Variants in TPD52 observed in about 807,000 individuals in gnomAD.
TPD52 encodes the protein tumor protein D52.
TPD52 carries 17 observed loss-of-function variants against 31.3 expected under a neutral mutation model. The ratio of observed to expected loss-of-function variants is 0.54; its 90% CI spans 0.37 to 0.82. The LOEUF is 0.82. Ranked by LOEUF, TPD52 falls within the 40% of genes least tolerant of loss-of-function variation. TPD52 has a pLI of 0.00. For synonymous variants in TPD52, 83 were observed against 89.6 expected, an observed-to-expected ratio of 0.93 and a Z score of 0.42; for missense variants, 212 against 240.1, an observed-to-expected ratio of 0.88 and a Z score of 0.77.
chr8:80,124,142 T>C (rs762431321), intron 1 of TPD52, among the ~76,000 whole-genome samples: 1 of 149,692 alleles, frequency 6.7e-6, no homozygotes, highest in Non-Finnish European at 1.5e-5. Context: ...AAAGAAGGGG[T>C]TATCAGCATG....
intron 1 of TPD52, among the ~76,000 whole-genome samples, chr8:80,098,489 A>AGAC (rs1205461871): frequency 9.9e-5 from 15 of 152,240 alleles, no homozygotes; most frequent in African/African-American, 3.4e-4. Context: ...GAGAGGCTTA[A>AGAC]GACTTCAGTG....
At chr8:80,042,337 G>C in intron 7 of TPD52, 1 of 985,398 alleles carries the variant, frequency 1.0e-6, no homozygotes, top group Non-Finnish European at 1.2e-6. Flanking sequence ...AAAGGTACTT[G>C]AAATGAATAA....
rs1810023114 is a variant in TPD52 at position 80,037,952 on chromosome 8, A to G, written c.*164T>C. ...GGGTGTTTCCCAAGAATAGAGGTGA[A>G]GATATTTTCATTTTGTTTAACCCAC... On this transcript the variant is annotated 3_prime_UTR_variant, in exon 8 of 8. Transcript: ENST00000518937. The G allele has an allele frequency of 4.6e-6, 4 of 875,606 alleles. No homozygotes were observed. In the South Asian group the frequency reaches 8.0e-5, roughly 18 times the overall value. 54.2% of individuals were successfully genotyped at this position (875,606 alleles called of 1,614,324 possible).
intron 1 of TPD52, among the ~76,000 whole-genome samples, chr8:80,068,863 A>G (rs1813447993): frequency 1.3e-5 from 2 of 152,230 alleles, no homozygotes; most frequent in Non-Finnish European, 2.9e-5. Flanking sequence ...TGTACAATTA[A>G]TCAGCCAGTC....
At chr8:80,124,774 T>C (rs1003502463) in intron 1 of TPD52, among the ~76,000 whole-genome samples, 2 of 152,160 alleles carry the variant, frequency 1.3e-5, no homozygotes, top group Non-Finnish European at 2.9e-5. Flanking sequence ...GCTTAGCACG[T>C]ATTCTGATCC....
intron 1 of TPD52, among the ~76,000 whole-genome samples, chr8:80,076,215 T>C (rs540418584): frequency 2.0e-5 from 3 of 152,326 alleles, no homozygotes; most frequent in Admixed American, 6.5e-5. Flanking sequence ...CGTAAGTTCA[T>C]TGTAGCACTA....
chr8:80,050,340 A>C (rs1811236692), intron 5 of TPD52, 105 bp downstream of exon 5: 1 of 1,126,292 alleles, frequency 8.9e-7, no homozygotes, highest in Non-Finnish European at 1.2e-6. Flanking sequence ...CAAGAAAATT[A>C]TGTACTGGAC....
chr8:80,096,319 A>ACACACACACACAC (rs1563622982), intron 1 of TPD52, among the ~76,000 whole-genome samples: 119 of 139,344 alleles, frequency 8.5e-4, no homozygotes, highest in African/African-American at 3.0e-3. Flanking sequence ...CACACACACA[A>ACACACACACACAC]ACTTCTCCTA....
intron 1 of TPD52, among the ~76,000 whole-genome samples, chr8:80,160,889 CA>C (rs58923055): frequency 0.021 from 1,969 of 94,986 alleles, 12 homozygotes; most frequent in Middle Eastern, 0.032. Flanking sequence ...ACTAAAAATA[CA>C]AAAAAAAAAA....
At position 80,042,685 on chromosome 8, in the gene TPD52, A is replaced by G; in HGVS notation, c.456-17T>C. The G allele has an allele frequency of 6.2e-7, 1 of 1,601,652 alleles. No homozygotes were observed. The highest frequency in any genetic ancestry group is 2.2e-5 in the East Asian group (1 of 44,738). On this transcript the variant is annotated splice_polypyrimidine_tract_variant and intron_variant, in intron 6 of 7. Coordinates refer to ENST00000518937, the MANE Select transcript of TPD52 (RefSeq NM_001025253.3). ...GGGGAGTTTCTATGGAGAGAAAAGAAAAACAAATAGTAAATACAAATACTG... is the reference window on the plus strand; with the variant it reads ...GGGGAGTTTCTATGGAGAGAAAAGAGAAACAAATAGTAAATACAAATACTG...
chr8:80,120,091 T>A (rs1808151741), intron 1 of TPD52, among the ~76,000 whole-genome samples: 1 of 151,558 alleles, frequency 6.6e-6, no homozygotes, highest in South Asian at 2.1e-4. Context: ...AGAGAAAATA[T>A]TTATAACAGA....
chr8:80,150,490 G>T (rs1435472700), intron 1 of TPD52, among the ~76,000 whole-genome samples: 1 of 152,180 alleles, frequency 6.6e-6, no homozygotes. Context: ...CCAATAGCTT[G>T]CACTGTGTAC....
At chr8:80,125,522 T>C (rs1464975174) in intron 1 of TPD52, among the ~76,000 whole-genome samples, 1 of 152,060 alleles carries the variant, frequency 6.6e-6, no homozygotes, top group Non-Finnish European at 1.5e-5. Context: ...TCTGAGAAAT[T>C]TTAAGTTAAC....
intron 1 of TPD52, among the ~76,000 whole-genome samples, chr8:80,108,266 T>A (rs1337616840): frequency 1.3e-5 from 2 of 152,240 alleles, no homozygotes; most frequent in Non-Finnish European, 2.9e-5. Flanking sequence ...ACATTTTTCA[T>A]GAGCAATTCA....
intron 1 of TPD52, among the ~76,000 whole-genome samples, chr8:80,137,269 T>G (rs892117691): frequency 6.6e-6 from 1 of 152,196 alleles, no homozygotes; most frequent in Admixed American, 6.5e-5. Context: ...TAGATTGTGG[T>G]GATCACTGCA....
intron 1 of TPD52, among the ~76,000 whole-genome samples, chr8:80,079,749 T>C (rs1029785536): frequency 6.6e-6 from 1 of 152,088 alleles, no homozygotes; most frequent in Admixed American, 6.6e-5. Flanking sequence ...GCTCCTGGCC[T>C]TCAAAGCAAT....
intron 1 of TPD52, among the ~76,000 whole-genome samples, chr8:80,118,120 C>T (rs1320935155): frequency 6.6e-6 from 1 of 152,060 alleles, no homozygotes; most frequent in Non-Finnish European, 1.5e-5. Context: ...ACATATAGGT[C>T]AATGGAATAG....
Position 80,118,698 on chromosome 8 carries a change from A to G in TPD52, c.19+52727T>C, listed in dbSNP as rs566801954. On this transcript the variant is annotated intron_variant, in intron 1 of 7. Transcript: ENST00000518937. ...GTGATGGCCAACATCATTAGACATC[A>G]GGGAGATGCAAATCAAAACCACCTC... is the stretch of plus-strand genomic sequence containing the variant. Among the ~76,000 whole-genome samples the G allele has an allele frequency of 2.0e-5, 3 of 152,362 alleles. No homozygotes were observed. The South Asian group carries it at 6.2e-4, about 32-fold the overall frequency.
intron 1 of TPD52, among the ~76,000 whole-genome samples, chr8:80,069,342 T>A (rs1264947165): frequency 2.0e-5 from 3 of 152,078 alleles, no homozygotes; most frequent in Non-Finnish European, 4.4e-5. Flanking sequence ...GGCCTGCACC[T>A]GTAGTCCCAG....
Sources: allele counts gnomAD v4.1 joint callset (sites outside exome capture counted in the v4.1 genomes callset), GRCh38; gene constraint gnomAD v4.1.1; transcripts MANE v1.5; gene names NCBI Gene and HGNC (gene_info 2026-07-23, HGNC 2026-07-21).